SLIT3: variants seen among roughly 807,000 people sequenced by gnomAD.
SLIT3 encodes slit guidance ligand 3.
In SLIT3, 68 loss-of-function variants were observed where a neutral mutation model predicts 184.0. The observed-to-expected ratio is 0.37, with a 90% confidence interval of 0.30 to 0.45. The LOEUF is 0.45. Among genes scored for constraint, SLIT3 ranks in the 20% least tolerant of loss-of-function variants. SLIT3 has a pLI of 1.00. For missense variants in SLIT3, 1,707 were observed against 2,026.0 expected (o/e 0.84, Z 3.02); for synonymous variants, 831 against 828.6 (o/e 1.00, Z -0.05).
chr5:168,706,107 A>G (rs1289672349), intron 26 of SLIT3, among the ~76,000 whole-genome samples: 1 of 152,238 alleles, frequency 6.6e-6, no homozygotes, highest in Admixed American at 6.5e-5. Context: ...CCTGGATCAA[A>G]CTAGCAACAT....
intron 6 of SLIT3, among the ~76,000 whole-genome samples, chr5:168,837,752 G>A (rs1758101470): frequency 6.6e-6 from 1 of 152,218 alleles, no homozygotes; most frequent in African/African-American, 2.4e-5. Flanking sequence ...TACTTATTAT[G>A]AGCGTCCCGA....
At chr5:168,739,394 A>T (rs1462288552) in intron 20 of SLIT3, among the ~76,000 whole-genome samples, 1 of 151,818 alleles carries the variant, frequency 6.6e-6, no homozygotes, top group Non-Finnish European at 1.5e-5. Context: ...AAAGACTATT[A>T]AAGTATTCCT....
At chr5:169,153,852 C>T (rs186419546) in intron 4 of SLIT3, among the ~76,000 whole-genome samples, 5 of 152,264 alleles carry the variant, frequency 3.3e-5, no homozygotes, top group South Asian at 2.1e-4. Context: ...TGTCTTCCTT[C>T]GGCCAGACTC....
intron 4 of SLIT3, among the ~76,000 whole-genome samples, chr5:169,081,708 A>G (rs2113162965): frequency 6.6e-6 from 1 of 152,312 alleles, no homozygotes; most frequent in Non-Finnish European, 1.5e-5. Flanking sequence ...TCCCGGCAGC[A>G]ATTCACAATG....
intron 20 of SLIT3, among the ~76,000 whole-genome samples, chr5:168,732,060 A>G (rs1358485694): frequency 1.3e-5 from 2 of 152,116 alleles, no homozygotes; most frequent in Non-Finnish European, 2.9e-5. Flanking sequence ...ATACTTGACC[A>G]AAAAACTGTT....
chr5:169,183,284 CACT>C (rs1763228300), intron 4 of SLIT3, among the ~76,000 whole-genome samples: 1 of 152,204 alleles, frequency 6.6e-6, no homozygotes, highest in African/African-American at 2.4e-5. Context: ...TTTCCTCACT[CACT>C]ACTTTCATAC....
chr5:168,780,167 T>C (rs1164603008), intron 12 of SLIT3, among the ~76,000 whole-genome samples: 1 of 152,230 alleles, frequency 6.6e-6, no homozygotes, highest in African/African-American at 2.4e-5. Context: ...TGACCAAGGG[T>C]CTGTGGAGGA....
intron 3 of SLIT3, among the ~76,000 whole-genome samples, chr5:169,228,546 C>A (rs886597054): frequency 6.6e-6 from 1 of 152,172 alleles, no homozygotes; most frequent in Non-Finnish European, 1.5e-5. Context: ...TTTAACATGT[C>A]AATCCCCCTA....
At chr5:168,936,970 G>C (rs1241916932) in intron 4 of SLIT3, among the ~76,000 whole-genome samples, 2 of 152,128 alleles carry the variant, frequency 1.3e-5, no homozygotes, top group Non-Finnish European at 2.9e-5. Context: ...AACTATAGCT[G>C]GGCTTAGTGC....
chr5:169,144,166 C>T lies in SLIT3; in HGVS notation c.413+49313G>A, dbSNP rs540191646. 8.0e-4 allele frequency among the ~76,000 whole-genome samples: 122 copies of T among 152,308 alleles called. 1 individual carries two copies. Among genetic ancestry groups the T allele is most frequent in the African/African-American group, 2.6e-3 (109 of 41,570 alleles). ...TCCCATTGTCTTGTGACACTCACCT[C>T]GCCCAGCTCTGTGCCCTTTATTTTC... On this transcript the variant is annotated intron_variant, in intron 4 of 35. Transcript: ENST00000519560.
At chr5:169,038,767 GCAC>G (rs1184172393) in intron 4 of SLIT3, among the ~76,000 whole-genome samples, 1 of 136,104 alleles carries the variant, frequency 7.3e-6, no homozygotes, top group Non-Finnish European at 1.5e-5. Context: ...GCGTTCTATG[GCAC>G]CACATTGTTC....
chr5:169,127,523 T>C (rs923503341), intron 4 of SLIT3, among the ~76,000 whole-genome samples: 1 of 152,210 alleles, frequency 6.6e-6, no homozygotes, highest in Non-Finnish European at 1.5e-5. Flanking sequence ...CGGAAGAAGA[T>C]AGTCAGCATT....
intron 3 of SLIT3, among the ~76,000 whole-genome samples, chr5:169,202,898 T>C (rs972297800): frequency 7.0e-6 from 1 of 143,686 alleles, no homozygotes; most frequent in Admixed American, 7.4e-5. Flanking sequence ...GTTAGGGAAA[T>C]GTAGAGTACA....
In SLIT3 at chr5:169,300,178, C is replaced by A. The variant is rs1483475732; in HGVS notation, c.197+335G>T. Among the ~76,000 whole-genome samples the A allele has an allele frequency of 6.6e-6, 1 of 152,226 alleles. No individual in the cohort carries two copies. Among genetic ancestry groups the A allele is most frequent in the Non-Finnish European group, 1.5e-5 (1 of 68,040 alleles). On this transcript the variant is annotated intron_variant, in intron 1 of 35. Coordinates refer to ENST00000519560, the MANE Select transcript of SLIT3 (RefSeq NM_003062.4). This position sits in a 1 kb window ranked among gnomAD's most constrained non-coding sequence, Gnocchi z 4.1. ...CTTTTTAACGAGCGCAGACCCCTGACCCTCACCCTAAGACCTTGAGGCTGC... is the reference window on the plus strand; with the variant it reads ...CTTTTTAACGAGCGCAGACCCCTGAACCTCACCCTAAGACCTTGAGGCTGC...
At chr5:169,288,867 G>A (rs1462260512) in intron 1 of SLIT3, among the ~76,000 whole-genome samples, 1 of 152,126 alleles carries the variant, frequency 6.6e-6, no homozygotes, top group Non-Finnish European at 1.5e-5. Flanking sequence ...TGAAGACATG[G>A]GTGACTCTGA....
intron 4 of SLIT3, among the ~76,000 whole-genome samples, chr5:168,948,308 G>A (rs1002446340): frequency 2.2e-4 from 33 of 152,244 alleles, no homozygotes; most frequent in South Asian, 1.5e-3. Flanking sequence ...CACAGCAAAC[G>A]GGGGCTGTGG....
intron 3 of SLIT3, among the ~76,000 whole-genome samples, chr5:169,222,673 G>A (rs1022273370): frequency 2.6e-4 from 40 of 152,206 alleles, no homozygotes; most frequent in Admixed American, 2.6e-3. Flanking sequence ...CTTACTCTTA[G>A]TAAAACAACA....
intron 5 of SLIT3, among the ~76,000 whole-genome samples, chr5:168,878,354 C>A (rs999680152): frequency 6.6e-6 from 1 of 152,234 alleles, no homozygotes; most frequent in African/African-American, 2.4e-5. Context: ...CCAGTCCCTT[C>A]ACTGAGAGCA....
At chr5:168,952,757 C>A (rs776172072) in intron 4 of SLIT3, among the ~76,000 whole-genome samples, 2 of 152,126 alleles carry the variant, frequency 1.3e-5, no homozygotes, top group Non-Finnish European at 2.9e-5. Flanking sequence ...AGAGATTAGG[C>A]CTTGTTAAAG....
Sources: allele counts gnomAD v4.1 joint callset (sites outside exome capture counted in the v4.1 genomes callset), GRCh38; gene constraint gnomAD v4.1.1; non-coding constraint Gnocchi (gnomAD v3.1); transcripts MANE v1.5; gene names NCBI Gene and HGNC (gene_info 2026-07-23, HGNC 2026-07-21).